The following DENND1A variants were observed in gnomAD, a reference collection of about 807,000 sequenced individuals.
DENND1A encodes DENN domain-containing protein 1A.
DENND1A carries 51 observed loss-of-function variants against 113.7 expected under a neutral mutation model. The observed-to-expected ratio is 0.45, with a 90% CI of 0.36 to 0.57. DENND1A has a LOEUF of 0.57. Among genes scored for constraint, DENND1A ranks in the 20% least tolerant of loss-of-function variants. DENND1A has a pLI of 0.00. For synonymous variants in DENND1A, 565 were observed against 570.8 expected (o/e 0.99, Z 0.14); for missense variants, 1,258 against 1,395.9 (o/e 0.90, Z 1.57).
chr9:123,891,656 A>T lies in DENND1A; in HGVS notation c.18-12635T>A, dbSNP rs555692566. Among the ~76,000 whole-genome samples, 236 of 152,314 alleles carry T rather than the reference A, an allele frequency of 1.5e-3. 1 individual carries two copies. The highest frequency in any genetic ancestry group is 2.2e-3 in the Non-Finnish European group (152 of 68,022). On this transcript the variant is annotated intron_variant, in intron 1 of 23. Transcript: ENST00000394215. ...ATAATAATAAATAAAATCGTACTAA[A>T]TCAGATACCATCTTATACCGGCAGT...
chr9:123,573,238 C>T (rs1187449517), intron 12 of DENND1A, among the ~76,000 whole-genome samples: 4 of 152,120 alleles, frequency 2.6e-5, no homozygotes, highest in African/African-American at 7.2e-5. Flanking sequence ...TTGTTCTTCT[C>T]TTTCAACATT....
chr9:123,926,748 A>C (rs1383218902), intron 1 of DENND1A, among the ~76,000 whole-genome samples: 6 of 152,138 alleles, frequency 3.9e-5, no homozygotes, highest in African/African-American at 1.4e-4. Context: ...TGTATTTCTT[A>C]AATGCGTTCC....
intron 13 of DENND1A, among the ~76,000 whole-genome samples, chr9:123,485,273 A>G (rs1027957995): frequency 1.3e-4 from 20 of 152,226 alleles, no homozygotes; most frequent in Non-Finnish European, 2.5e-4. Flanking sequence ...GCTCCGCACT[A>G]TCACTAGGTG....
At chr9:123,776,458 A>G (rs1428259425) in intron 3 of DENND1A, among the ~76,000 whole-genome samples, 1 of 152,218 alleles carries the variant, frequency 6.6e-6, no homozygotes, top group African/African-American at 2.4e-5. Context: ...TTTTTAAATC[A>G]TGGGTGGCTA....
At chr9:123,661,727 C>T (rs914134030) in intron 8 of DENND1A, among the ~76,000 whole-genome samples, 3 of 151,934 alleles carry the variant, frequency 2.0e-5, no homozygotes, top group Non-Finnish European at 2.9e-5. Context: ...GAAAATAATA[C>T]GAGGAGAAGA....
intron 5 of DENND1A, among the ~76,000 whole-genome samples, chr9:123,739,403 C>T (rs1349792227): frequency 6.6e-6 from 1 of 152,114 alleles, no homozygotes; most frequent in East Asian, 1.9e-4. Flanking sequence ...CTTTCCTAAC[C>T]TCTACAACTA....
At chr9:123,423,020 A>G (rs2045427216) in intron 19 of DENND1A, among the ~76,000 whole-genome samples, 1 of 152,198 alleles carries the variant, frequency 6.6e-6, no homozygotes, top group African/African-American at 2.4e-5. Context: ...CTAACTGCAT[A>G]TATTTTTCAT....
intron 13 of DENND1A, 128 bp from the exon 14 acceptor site, chr9:123,458,025 G>C: frequency 1.5e-6 from 1 of 656,628 alleles, no homozygotes; most frequent in East Asian, 2.9e-5. Context: ...TTTTGAGATG[G>C]AGTCTCACTC....
At chr9:123,896,189 G>A (rs555776289) in intron 1 of DENND1A, among the ~76,000 whole-genome samples, 21 of 152,250 alleles carry the variant, frequency 1.4e-4, no homozygotes, top group African/African-American at 4.6e-4. Context: ...GTACACGCCT[G>A]TAGTCTTGGC....
chr9:123,579,263 T>A (rs186518223), intron 12 of DENND1A, among the ~76,000 whole-genome samples: 1 of 152,322 alleles, frequency 6.6e-6, no homozygotes, highest in East Asian at 1.9e-4. Flanking sequence ...AGAGCTTAAG[T>A]AATTTTGCCC....
At chr9:123,640,926 T>C (rs1210861276) in intron 9 of DENND1A, among the ~76,000 whole-genome samples, 1 of 152,234 alleles carries the variant, frequency 6.6e-6, no homozygotes, top group Non-Finnish European at 1.5e-5. Context: ...TCTCCTCCAC[T>C]CCTGCTGTCT....
chr9:123,886,739 A>C (rs1849155923), intron 1 of DENND1A, among the ~76,000 whole-genome samples: 1 of 152,212 alleles, frequency 6.6e-6, no homozygotes, highest in Non-Finnish European at 1.5e-5. Context: ...TGTATCAAAG[A>C]GTGCTTTCTA....
chr9:123,777,046 G>A (rs972821744), intron 3 of DENND1A, among the ~76,000 whole-genome samples: 4 of 152,168 alleles, frequency 2.6e-5, no homozygotes, highest in African/African-American at 4.8e-5. Context: ...GCTATACTTG[G>A]ACGCTTTTAT....
intron 9 of DENND1A, among the ~76,000 whole-genome samples, chr9:123,641,668 C>T (rs984742961): frequency 1.3e-5 from 2 of 150,888 alleles, no homozygotes; most frequent in Non-Finnish European, 3.0e-5. Context: ...TCTAAATGAA[C>T]TTGATCAGTC....
chr9:123,879,141 G>A, intron 1 of DENND1A, 120 bp from the exon 2 acceptor site: 1 of 912,664 alleles, frequency 1.1e-6, no homozygotes, highest in Non-Finnish European at 1.7e-6. Context: ...TAATGGCCGT[G>A]GAACTTTGGA....
chr9:123,423,931 T>C (rs983872240), intron 19 of DENND1A, among the ~76,000 whole-genome samples: 5 of 152,176 alleles, frequency 3.3e-5, no homozygotes, highest in African/African-American at 1.2e-4. Flanking sequence ...TGGTTTAGCA[T>C]AATACTGTAC....
intron 4 of DENND1A, among the ~76,000 whole-genome samples, chr9:123,769,192 T>C (rs938955750): frequency 6.6e-6 from 1 of 152,166 alleles, no homozygotes; most frequent in Non-Finnish European, 1.5e-5. Context: ...GCCAAATATA[T>C]TCATATTTAA....
At chr9:123,619,423 T>C (rs2060827363) in intron 10 of DENND1A, among the ~76,000 whole-genome samples, 1 of 151,892 alleles carries the variant, frequency 6.6e-6, no homozygotes, top group South Asian at 2.1e-4. Flanking sequence ...GACTGATTGA[T>C]TGATTGATTG....
At chr9:123,573,551 T>C (rs1006768828) in intron 12 of DENND1A, among the ~76,000 whole-genome samples, 2 of 152,154 alleles carry the variant, frequency 1.3e-5, no homozygotes, top group African/African-American at 2.4e-5. Flanking sequence ...TTTTGTGTTT[T>C]GTATGCTATT....
Sources: gnomAD v4.1 joint callset for allele counts (sites outside exome capture counted in the v4.1 genomes callset) on GRCh38, gnomAD v4.1.1 for gene constraint, MANE v1.5 for transcripts, NCBI Gene and HGNC (gene_info 2026-07-23, HGNC 2026-07-21) for gene names.